The following COXFA4 variants were observed in gnomAD, a reference collection of about 807,000 sequenced individuals.
COXFA4 encodes cytochrome c oxidase subunit FA4.
chr7:10,937,399 C>CA, the COXFA4 span, among the ~76,000 whole-genome samples: 1,218 of 152,088 alleles, frequency 8.0e-3, 19 homozygotes, highest in African/African-American at 0.026. Flanking sequence ...TCTCCTGCCT[C>CA]AGCCTCCCGA....
the COXFA4 span, among the ~76,000 whole-genome samples, chr7:10,936,834 A>G: frequency 6.6e-6 from 1 of 152,090 alleles, no homozygotes; most frequent in South Asian, 2.1e-4. Flanking sequence ...CCAGGGGTTC[A>G]AGACCAGCCT....
At chr7:10,939,993 T>G in the COXFA4 span, 54 of 1,613,430 alleles carry the variant, frequency 3.3e-5, no homozygotes, top group South Asian at 4.9e-4. Context: ...GGGAAAACAT[T>G]AGGAGAGCGG....
chr7:10,938,506 A>C, the COXFA4 span: 1 of 421,038 alleles, frequency 2.4e-6, no homozygotes. Context: ...AAAAACATTT[A>C]CATGTGCCGA....
chr7:10,939,837 A>G, the COXFA4 span: 1 of 756,182 alleles, frequency 1.3e-6, no homozygotes, highest in Non-Finnish European at 2.4e-6. Context: ...CCCACAATGC[A>G]TGGCGTAGAG....
chr7:10,932,434 GT>G, the COXFA4 span: 1 of 152,176 alleles, frequency 6.6e-6, no homozygotes, highest in Non-Finnish European at 1.5e-5. Context: ...AATTCAACTC[GT>G]TTAACAATTT....
At chr7:10,936,515 T>G in the COXFA4 span, among the ~76,000 whole-genome samples, 1 of 152,256 alleles carries the variant, frequency 6.6e-6, no homozygotes, top group African/African-American at 2.4e-5. Context: ...TTCTCTGGAA[T>G]GGACTTAGTT....
At chr7:10,933,788 A>C in the COXFA4 span, 1 of 809,024 alleles carries the variant, frequency 1.2e-6, no homozygotes, top group Non-Finnish European at 2.0e-6. Context: ...CTACAGTAAC[A>C]ATTACAGATA....
chr7:10,938,862 G>A, the COXFA4 span: 1 of 1,613,662 alleles, frequency 6.2e-7, no homozygotes, highest in Non-Finnish European at 8.5e-7. Flanking sequence ...TGCTCCAGTA[G>A]CTCCAGTTCC....
At chr7:10,940,114 T>G in the COXFA4 span, 1 of 1,566,338 alleles carries the variant, frequency 6.4e-7, no homozygotes, top group Admixed American at 1.7e-5. Flanking sequence ...CACCAGGCCC[T>G]AAGCTAAAAA....
the COXFA4 span, chr7:10,939,780 T>G: frequency 5.6e-5 from 33 of 591,428 alleles, no homozygotes; most frequent in African/African-American, 1.8e-4. Flanking sequence ...AAAAACTAGG[T>G]TTTTTTTCCG....
At chr7:10,938,639 C>G in the COXFA4 span, 75 of 581,832 alleles carry the variant, frequency 1.3e-4, no homozygotes, top group East Asian at 1.5e-3. Context: ...TAGATAATTT[C>G]ATGAACCAAA....
At chr7:10,932,760 A>C in the COXFA4 span, 1 of 152,286 alleles carries the variant, frequency 6.6e-6, no homozygotes, top group Non-Finnish European at 1.5e-5. Context: ...GCTTGAGCTC[A>C]AGAGTTTGAG....
the COXFA4 span, among the ~76,000 whole-genome samples, chr7:10,936,758 C>A: frequency 1.3e-5 from 2 of 152,112 alleles, 1 homozygote; most frequent in South Asian, 4.1e-4. Context: ...TATCAGGCTG[C>A]GGGCACAGTG....
At chr7:10,939,696 C>T in the COXFA4 span, 1 of 428,646 alleles carries the variant, frequency 2.3e-6, no homozygotes, top group Non-Finnish European at 4.4e-6. Flanking sequence ...ACACAGCGCA[C>T]ATCTATCCCT....
the COXFA4 span, among the ~76,000 whole-genome samples, chr7:10,937,511 G>T: frequency 1.3e-4 from 20 of 152,090 alleles, no homozygotes; most frequent in Admixed American, 9.8e-4. Context: ...TCCAGCTCCT[G>T]ATCTCAAGTG....
At chr7:10,938,078 T>A in the COXFA4 span, 31 of 1,611,122 alleles carry the variant, frequency 1.9e-5, no homozygotes, top group Admixed American at 6.7e-5. Flanking sequence ...TTAAAACAAT[T>A]TTGTAGTTTA....
At chr7:10,935,815 A>G in the COXFA4 span, among the ~76,000 whole-genome samples, 1 of 152,168 alleles carries the variant, frequency 6.6e-6, no homozygotes, top group Non-Finnish European at 1.5e-5. Context: ...ACACATTCAA[A>G]TCTTAGCGGC....
the COXFA4 span, among the ~76,000 whole-genome samples, chr7:10,934,437 C>T: frequency 6.9e-6 from 1 of 144,834 alleles, no homozygotes; most frequent in East Asian, 2.0e-4. Flanking sequence ...ATATTTGAAA[C>T]TGGTCCAGAG....
chr7:10,939,776 T>A, the COXFA4 span: 1 of 594,890 alleles, frequency 1.7e-6, no homozygotes, highest in Non-Finnish European at 3.0e-6. Context: ...TAGAAAAAAC[T>A]AGGTTTTTTT....
Sources: gnomAD v4.1 joint callset for allele counts (sites outside exome capture counted in the v4.1 genomes callset) on GRCh38, gnomAD v4.1.1 for gene constraint, MANE v1.5 for transcripts, NCBI Gene and HGNC (gene_info 2026-07-23, HGNC 2026-07-21) for gene names.